ADGRB3: variants seen among roughly 807,000 people sequenced by gnomAD.
ADGRB3 encodes the protein brain-specific angiogenesis inhibitor 3.
A neutral mutation model predicts 193.4 loss-of-function variants in ADGRB3; 37 were observed. The observed-to-expected ratio is 0.19, with a 90% confidence interval of 0.15 to 0.25. The LOEUF (loss-of-function observed/expected upper bound fraction) is 0.25. Ranked by LOEUF, ADGRB3 falls within the 10% of genes least tolerant of loss-of-function variation. The pLI, the probability that ADGRB3 is intolerant of heterozygous loss-of-function variation, is 1.00. For synonymous variants in ADGRB3, 690 were observed against 644.2 expected, an observed-to-expected ratio of 1.07 and a Z score of -1.08; for missense variants, 1,637 against 1,852.9, an observed-to-expected ratio of 0.88 and a Z score of 2.14.
At chr6:69,025,822 A>T (rs906574537) in intron 13 of ADGRB3, among the ~76,000 whole-genome samples, 6 of 152,222 alleles carry the variant, frequency 3.9e-5, no homozygotes, top group South Asian at 2.1e-4. Context: ...CATAGAAATT[A>T]TCTCATGGTA....
chr6:68,939,668 A>C (rs1268366049), intron 5 of ADGRB3, among the ~76,000 whole-genome samples: 8 of 152,160 alleles, frequency 5.3e-5, no homozygotes, highest in Admixed American at 5.2e-4. Flanking sequence ...TTTGTGCTCA[A>C]ATATTTTATG....
At chr6:68,820,492 A>G (rs1767729041) in intron 3 of ADGRB3, among the ~76,000 whole-genome samples, 1 of 152,018 alleles carries the variant, frequency 6.6e-6, no homozygotes, top group African/African-American at 2.4e-5. Flanking sequence ...TCTTTGTATT[A>G]AGGACATTCA....
intron 20 of ADGRB3, among the ~76,000 whole-genome samples, chr6:69,301,057 A>T (rs191405887): frequency 2.6e-5 from 4 of 151,872 alleles, no homozygotes; most frequent in African/African-American, 9.6e-5. Context: ...TTTTTTCAAT[A>T]AACATATCGG....
chr6:68,915,764 A>T (rs1916768), intron 3 of ADGRB3, among the ~76,000 whole-genome samples: 47,557 of 150,600 alleles, frequency 0.32, 7,905 homozygotes, highest in Middle Eastern at 0.53. Context: ...TTTGAGTGGG[A>T]GGGGAAAAAA....
intron 3 of ADGRB3, among the ~76,000 whole-genome samples, chr6:68,882,048 G>A (rs1285984518): frequency 1.3e-5 from 2 of 152,062 alleles, no homozygotes; most frequent in African/African-American, 4.8e-5. Context: ...TGATAAACTA[G>A]AGCCGTTAGC....
At chr6:68,644,966 C>T (rs912735713) in intron 3 of ADGRB3, among the ~76,000 whole-genome samples, 1 of 152,120 alleles carries the variant, frequency 6.6e-6, no homozygotes, top group African/African-American at 2.4e-5. Flanking sequence ...AATTTTACTT[C>T]TCTTAAAATC....
intron 3 of ADGRB3, among the ~76,000 whole-genome samples, chr6:68,909,020 G>A (rs1766625754): frequency 6.6e-6 from 1 of 152,112 alleles, no homozygotes; most frequent in Non-Finnish European, 1.5e-5. Flanking sequence ...TATTTGGGAT[G>A]ACCAATAAAT....
intron 3 of ADGRB3, among the ~76,000 whole-genome samples, chr6:68,863,462 A>C (rs535336491): frequency 1.3e-5 from 2 of 152,046 alleles, no homozygotes; most frequent in Non-Finnish European, 2.9e-5. Flanking sequence ...TAAAATAATC[A>C]TTTAGTATGA....
chr6:68,743,627 TCA>T (rs1231220587), intron 3 of ADGRB3, among the ~76,000 whole-genome samples: 3 of 151,968 alleles, frequency 2.0e-5, no homozygotes, highest in Non-Finnish European at 2.9e-5. Context: ...ATAAGGAAAT[TCA>T]CTAAAAAGGA....
At chr6:68,916,784 G>T (rs1012402487) in intron 3 of ADGRB3, among the ~76,000 whole-genome samples, 10 of 152,180 alleles carry the variant, frequency 6.6e-5, no homozygotes, top group Non-Finnish European at 1.5e-4. Flanking sequence ...GAAACGAAAA[G>T]GAGGCCAGTA....
intron 3 of ADGRB3, among the ~76,000 whole-genome samples, chr6:68,671,379 C>T (rs1005035891): frequency 1.3e-5 from 2 of 151,926 alleles, no homozygotes; most frequent in African/African-American, 2.4e-5. Flanking sequence ...CAATATGATA[C>T]TAGCTGTGGG....
chr6:69,343,757 C>T (rs983557165), intron 26 of ADGRB3, among the ~76,000 whole-genome samples: 1 of 151,842 alleles, frequency 6.6e-6, no homozygotes, highest in African/African-American at 2.4e-5. Context: ...AAAAAGAAGC[C>T]ATCTGATTCA....
rs1348197831 is a variant in ADGRB3 at position 68,956,741 on chromosome 6, T to C, written c.1457T>C (p.Val486Ala). ...ERRIRTCQGA[V>A]ITGQQCEGTG... The stretch of plus-strand genomic sequence containing the variant: ...CGAATAAGGACCTGTCAGGGTGCAG[T>C]GATAACAGGGCAGCAATGTGAAGGA... Residue 486 changes from valine to alanine, a missense_variant, in exon 8 of 32, where the codon GTG (valine) becomes GCG (alanine). This residue lies in a region of ADGRB3 where 641 missense variants were observed against 673.9 expected (regional missense o/e 0.95). Transcript: ENST00000370598. 9 of 1,613,718 alleles carry C rather than the reference T, an allele frequency of 5.6e-6. No homozygotes were observed. The highest frequency in any genetic ancestry group is 7.6e-6 in the Non-Finnish European group (9 of 1,179,984).
chr6:69,257,562 T>C (rs1766807811), intron 20 of ADGRB3, among the ~76,000 whole-genome samples: 2 of 152,200 alleles, frequency 1.3e-5, no homozygotes, highest in South Asian at 4.1e-4. Context: ...AGATGATGTT[T>C]GAGGTAAACA....
intron 17 of ADGRB3, among the ~76,000 whole-genome samples, chr6:69,131,095 C>T (rs62406787): frequency 0.12 from 18,697 of 151,760 alleles, 1,227 homozygotes; most frequent in Middle Eastern, 0.29. Context: ...TTAATTATTT[C>T]AGTATTAAAA....
At chr6:69,260,967 T>C (rs1766911511) in intron 20 of ADGRB3, among the ~76,000 whole-genome samples, 1 of 152,188 alleles carries the variant, frequency 6.6e-6, no homozygotes, top group African/African-American at 2.4e-5. Flanking sequence ...TCCTTCCTAA[T>C]GGCAATTCTC....
intron 3 of ADGRB3, among the ~76,000 whole-genome samples, chr6:68,929,071 T>C (rs774802664): frequency 9.2e-5 from 14 of 152,092 alleles, no homozygotes; most frequent in Non-Finnish European, 1.8e-4. Flanking sequence ...ACAGCACACA[T>C]AACTGAATGG....
chr6:69,068,023 G>A (rs1276085011), intron 16 of ADGRB3, among the ~76,000 whole-genome samples: 1 of 152,112 alleles, frequency 6.6e-6, no homozygotes, highest in Non-Finnish European at 1.5e-5. Context: ...CTGAAATATG[G>A]TGTTATAATC....
chr6:68,972,728 A>G (rs1234084030), intron 8 of ADGRB3, among the ~76,000 whole-genome samples: 2 of 152,182 alleles, frequency 1.3e-5, no homozygotes, highest in African/African-American at 4.8e-5. Flanking sequence ...GCTTGAAATT[A>G]TCCAAGAAAA....
Sources: allele counts gnomAD v4.1 joint callset (sites outside exome capture counted in the v4.1 genomes callset), GRCh38; gene constraint gnomAD v4.1.1; regional missense constraint gnomAD v4.1.1; transcripts MANE v1.5; gene names NCBI Gene and HGNC (gene_info 2026-07-23, HGNC 2026-07-21).